Variants in GARIN2 observed in about 807,000 individuals in gnomAD.
The protein encoded by GARIN2 is Golgi-associated RAB2 interactor protein 2.
the GARIN2 span, chr14:67,198,233 T>A: frequency 1.2e-6 from 2 of 1,613,980 alleles, no homozygotes; most frequent in Non-Finnish European, 1.7e-6. Flanking sequence ...CACACTCCCA[T>A]GATCCGAGAG....
At chr14:67,198,146 T>C in the GARIN2 span, 1 of 1,607,036 alleles carries the variant, frequency 6.2e-7, no homozygotes, top group Non-Finnish European at 8.5e-7. Flanking sequence ...TTTTTTTATG[T>C]TTATGTGCAA....
chr14:67,218,940 C>A, the GARIN2 span, among the ~76,000 whole-genome samples: 2 of 151,988 alleles, frequency 1.3e-5, no homozygotes, highest in African/African-American at 2.4e-5. Flanking sequence ...GGCCCAGGTT[C>A]TGCACAGGTG....
the GARIN2 span, among the ~76,000 whole-genome samples, chr14:67,228,123 T>C: frequency 6.6e-6 from 1 of 151,694 alleles, no homozygotes; most frequent in East Asian, 1.9e-4. Flanking sequence ...TGAGCCGAGA[T>C]TGTGCCACTG....
chr14:67,204,108 G>T, the GARIN2 span, among the ~76,000 whole-genome samples: 1 of 152,092 alleles, frequency 6.6e-6, no homozygotes, highest in Admixed American at 6.6e-5. Flanking sequence ...AGGCAAGTCT[G>T]GTGTCTTGAG....
chr14:67,213,829 G>A, the GARIN2 span, among the ~76,000 whole-genome samples: 4 of 152,260 alleles, frequency 2.6e-5, no homozygotes, highest in Non-Finnish European at 4.4e-5. Context: ...AGCACCTGTT[G>A]TTTCCTGACT....
At chr14:67,217,374 T>G in the GARIN2 span, among the ~76,000 whole-genome samples, 8 of 152,222 alleles carry the variant, frequency 5.3e-5, no homozygotes, top group African/African-American at 1.7e-4. Context: ...CCAGTCTATA[T>G]CTTTTAAGCA....
At chr14:67,193,954 C>CAAAAAAAAACAAA in the GARIN2 span, among the ~76,000 whole-genome samples, 1 of 85,758 alleles carries the variant, frequency 1.2e-5, no homozygotes, top group Non-Finnish European at 2.5e-5. Context: ...CAAAAAAAAA[C>CAAAAAAAAACAAA]AAAAAAAAAA....
chr14:67,225,559 C>T, the GARIN2 span, among the ~76,000 whole-genome samples: 1 of 152,180 alleles, frequency 6.6e-6, no homozygotes, highest in Non-Finnish European at 1.5e-5. Context: ...TTCTTTGTAA[C>T]CTTATCATGC....
chr14:67,218,436 C>T, the GARIN2 span, among the ~76,000 whole-genome samples: 4 of 152,088 alleles, frequency 2.6e-5, no homozygotes, highest in Non-Finnish European at 4.4e-5. Flanking sequence ...GACTCAGGGA[C>T]GTGCTCACTG....
At chr14:67,224,879 A>G in the GARIN2 span, 7 of 369,658 alleles carry the variant, frequency 1.9e-5, no homozygotes, top group South Asian at 2.4e-4. Flanking sequence ...GCTTAATAAA[A>G]AAGGAGGGAG....
At chr14:67,214,674 T>G in the GARIN2 span, among the ~76,000 whole-genome samples, 1 of 151,900 alleles carries the variant, frequency 6.6e-6, no homozygotes, top group African/African-American at 2.4e-5. Flanking sequence ...CATATGAACT[T>G]TAAAGTAGTT....
At chr14:67,213,487 C>A in the GARIN2 span, among the ~76,000 whole-genome samples, 2 of 151,282 alleles carry the variant, frequency 1.3e-5, no homozygotes, top group Non-Finnish European at 3.0e-5. Context: ...CTACAAAGGA[C>A]ATGAACTCAT....
the GARIN2 span, among the ~76,000 whole-genome samples, chr14:67,225,832 G>T: frequency 5.3e-5 from 8 of 152,176 alleles, no homozygotes; most frequent in Middle Eastern, 6.8e-3. Context: ...TCTCAGCCAT[G>T]ATAACAACAC....
At chr14:67,210,740 T>C in the GARIN2 span, among the ~76,000 whole-genome samples, 45 of 152,108 alleles carry the variant, frequency 3.0e-4, no homozygotes, top group African/African-American at 1.0e-3. Context: ...CCACAGGTCA[T>C]GATGGCTCAG....
At chr14:67,211,849 T>G in the GARIN2 span, among the ~76,000 whole-genome samples, 1 of 152,026 alleles carries the variant, frequency 6.6e-6, no homozygotes, top group Non-Finnish European at 1.5e-5. Flanking sequence ...GACTCTTAAA[T>G]AAATAAATAC....
chr14:67,226,549 C>T, the GARIN2 span, among the ~76,000 whole-genome samples: 109 of 152,174 alleles, frequency 7.2e-4, no homozygotes, highest in African/African-American at 2.4e-3. Flanking sequence ...TTAGTAGAGA[C>T]GGGGTTTCAC....
the GARIN2 span, among the ~76,000 whole-genome samples, chr14:67,194,674 T>C: frequency 6.6e-6 from 1 of 152,060 alleles, no homozygotes; most frequent in African/African-American, 2.4e-5. Context: ...CCTGGTTAAT[T>C]GTATTTTTAG....
chr14:67,203,284 T>C, the GARIN2 span: 2 of 1,585,732 alleles, frequency 1.3e-6, no homozygotes, highest in South Asian at 2.3e-5. Flanking sequence ...GAGAAACTAG[T>C]GCTCACCAGG....
the GARIN2 span, among the ~76,000 whole-genome samples, chr14:67,208,789 C>T: frequency 1.3e-5 from 2 of 151,110 alleles, no homozygotes; most frequent in Non-Finnish European, 2.9e-5. Context: ...CCCAGCTACT[C>T]GGGAGGCTGA....
Sources: allele counts gnomAD v4.1 joint callset (sites outside exome capture counted in the v4.1 genomes callset), GRCh38; gene constraint gnomAD v4.1.1; transcripts MANE v1.5; gene names NCBI Gene and HGNC (gene_info 2026-07-23, HGNC 2026-07-21).